Variants in SPAG16 observed in about 807,000 individuals in gnomAD.
SPAG16 encodes sperm-associated antigen 16 protein.
SPAG16 carries 86 observed loss-of-function variants against 80.4 expected under a neutral mutation model. The observed-to-expected ratio is 1.07, with a 90% CI of 0.90 to 1.28. SPAG16 has a LOEUF of 1.28. Among genes scored for constraint, SPAG16 ranks in the 50% most tolerant of loss-of-function variants. The probability of loss-of-function intolerance (pLI) is 0.00; values close to 1 mark genes in which losing one functional copy is unlikely to be tolerated. For synonymous variants in SPAG16, 294 were observed against 265.9 expected, an observed-to-expected ratio of 1.11 and a Z score of -1.03; for missense variants, 870 against 765.3, an observed-to-expected ratio of 1.14 and a Z score of -1.61.
intron 5 of SPAG16, among the ~76,000 whole-genome samples, chr2:213,325,643 T>TGC (rs1491007655): frequency 1.0e-4 from 15 of 144,728 alleles, no homozygotes; most frequent in African/African-American, 3.5e-4. Context: ...TGTGTGTGTG[T>TGC]GCATATCTAT....
At chr2:214,048,113 C>T (rs879193373) in intron 13 of SPAG16, among the ~76,000 whole-genome samples, 3 of 152,054 alleles carry the variant, frequency 2.0e-5, no homozygotes, top group Non-Finnish European at 2.9e-5. Context: ...TTAATACAAC[C>T]GCTATAGAGA....
chr2:213,473,894 C>G (rs1559168983), intron 9 of SPAG16, among the ~76,000 whole-genome samples: 1 of 152,174 alleles, frequency 6.6e-6, no homozygotes, highest in Non-Finnish European at 1.5e-5. Flanking sequence ...GGACTTTAGT[C>G]TAGTTATAGA....
chr2:214,320,855 C>A (rs76997440), intron 15 of SPAG16, among the ~76,000 whole-genome samples: 4 of 152,176 alleles, frequency 2.6e-5, no homozygotes, highest in African/African-American at 7.2e-5. Context: ...ATCACTTGTA[C>A]TTAGCAGTTG....
intron 10 of SPAG16, among the ~76,000 whole-genome samples, chr2:213,582,692 G>T (rs756706228): frequency 1.3e-5 from 2 of 152,182 alleles, no homozygotes; most frequent in Non-Finnish European, 2.9e-5. Context: ...TAGGTCACAG[G>T]TGATTCCTGA....
intron 13 of SPAG16, among the ~76,000 whole-genome samples, chr2:214,069,625 G>A (rs1489495453): frequency 1.3e-5 from 2 of 152,098 alleles, no homozygotes; most frequent in South Asian, 4.1e-4. Context: ...GACCAAGGGA[G>A]ATGGGTGGTA....
chr2:214,049,888 G>C (rs748623479), intron 13 of SPAG16, among the ~76,000 whole-genome samples: 1 of 152,160 alleles, frequency 6.6e-6, no homozygotes, highest in East Asian at 1.9e-4. Context: ...TTATAGAAAC[G>C]TCATTTGAAA....
chr2:213,914,274 C>T (rs149690506), intron 11 of SPAG16, among the ~76,000 whole-genome samples: 1 of 151,950 alleles, frequency 6.6e-6, no homozygotes, highest in African/African-American at 2.4e-5. Flanking sequence ...CATTTTAATG[C>T]AAAATCAATA....
At chr2:213,507,793 G>A (rs1559202765) in intron 10 of SPAG16, among the ~76,000 whole-genome samples, 1 of 152,186 alleles carries the variant, frequency 6.6e-6, no homozygotes, top group Admixed American at 6.5e-5. Context: ...TCTCTTTTCT[G>A]TCTTCTTAGG....
chr2:214,371,945 T>C (rs1699848764), intron 15 of SPAG16, among the ~76,000 whole-genome samples: 1 of 152,074 alleles, frequency 6.6e-6, no homozygotes, highest in South Asian at 2.1e-4. Context: ...CCTTTCAAAG[T>C]GCTGGGATTA....
chr2:213,512,880 A>G (rs2075280661), intron 10 of SPAG16, among the ~76,000 whole-genome samples: 1 of 152,042 alleles, frequency 6.6e-6, no homozygotes, highest in South Asian at 2.1e-4. Flanking sequence ...ACTCCCACCA[A>G]GACTGGAAAT....
intron 12 of SPAG16, among the ~76,000 whole-genome samples, chr2:213,946,579 C>T (rs1477685149): frequency 6.6e-6 from 1 of 152,148 alleles, no homozygotes. Context: ...GTATCCTTCA[C>T]CCAAATTTTC....
At chr2:214,176,359 A>G (rs2125651234) in intron 15 of SPAG16, among the ~76,000 whole-genome samples, 1 of 151,474 alleles carries the variant, frequency 6.6e-6, no homozygotes, top group South Asian at 2.1e-4. Flanking sequence ...TTTGAAAACT[A>G]CAGGATATAC....
chr2:213,563,018 G>T (rs2059644647), intron 10 of SPAG16, among the ~76,000 whole-genome samples: 1 of 152,176 alleles, frequency 6.6e-6, no homozygotes, highest in South Asian at 2.1e-4. Flanking sequence ...TAGGAATTTG[G>T]CATGGCGGGG....
intron 13 of SPAG16, among the ~76,000 whole-genome samples, chr2:214,044,843 A>G (rs772892512): frequency 2.6e-4 from 40 of 152,192 alleles, no homozygotes; most frequent in Non-Finnish European, 5.1e-4. Context: ...AAGTGTTTAA[A>G]CCAGCCCTAG....
At chr2:213,913,632 C>G (rs1177728261) in intron 11 of SPAG16, among the ~76,000 whole-genome samples, 4 of 8,308 alleles carry the variant, frequency 4.8e-4, no homozygotes, top group African/African-American at 6.0e-4. Flanking sequence ...TGTACATGTA[C>G]ATATATGTAT....
intron 10 of SPAG16, among the ~76,000 whole-genome samples, chr2:213,670,060 C>T (rs529382375): frequency 5.9e-5 from 9 of 151,312 alleles, no homozygotes; most frequent in South Asian, 2.1e-4. Context: ...TGCAGTGGCA[C>T]GACCTCACCT....
At chr2:214,029,908 A>G (rs1338840260) in intron 13 of SPAG16, among the ~76,000 whole-genome samples, 1 of 152,194 alleles carries the variant, frequency 6.6e-6, no homozygotes, top group Non-Finnish European at 1.5e-5. Flanking sequence ...AAACCTATGC[A>G]TAATATCACC....
intron 10 of SPAG16, among the ~76,000 whole-genome samples, chr2:213,521,185 G>A (rs988925943): frequency 7.2e-5 from 11 of 152,248 alleles, no homozygotes; most frequent in Admixed American, 2.0e-4. Context: ...TGGCCTGGTT[G>A]GTGGATGTTT....
intron 15 of SPAG16, among the ~76,000 whole-genome samples, chr2:214,267,076 GA>G (rs899612806): frequency 1.7e-3 from 250 of 147,774 alleles, no homozygotes; most frequent in African/African-American, 5.8e-3. Context: ...CACAGAAATA[GA>G]AAAAAAAATC....
Sources: allele counts gnomAD v4.1 joint callset (sites outside exome capture counted in the v4.1 genomes callset), GRCh38; gene constraint gnomAD v4.1.1; transcripts MANE v1.5; gene names NCBI Gene and HGNC (gene_info 2026-07-23, HGNC 2026-07-21).